Variants in PTPRD observed in about 807,000 individuals in gnomAD.
PTPRD encodes the protein protein tyrosine phosphatase receptor type D.
PTPRD carries 34 observed loss-of-function variants against 214.5 expected under a neutral mutation model. That is an observed-to-expected ratio of 0.16 (90% confidence interval 0.12 to 0.21). PTPRD has a LOEUF of 0.21. PTPRD is among the 10% of genes least tolerant of loss of function. PTPRD has a pLI of 1.00. For missense variants in PTPRD, 2,545 were observed against 2,398.7 expected (o/e 1.06, Z -1.27); for synonymous variants, 1,128 against 845.7 (o/e 1.33, Z -5.79).
intron 4 of PTPRD, among the ~76,000 whole-genome samples, chr9:9,987,334 G>T (rs905028598): frequency 6.6e-6 from 1 of 152,132 alleles, no homozygotes; most frequent in African/African-American, 2.4e-5. Context: ...AGACATGCCG[G>T]AGACTGGGCA....
chr9:8,967,728 C>T (rs1158550611), intron 11 of PTPRD, among the ~76,000 whole-genome samples: 1 of 152,086 alleles, frequency 6.6e-6, no homozygotes, highest in Non-Finnish European at 1.5e-5. Flanking sequence ...ATAACAGCAA[C>T]ATTTATACAA....
intron 2 of PTPRD, among the ~76,000 whole-genome samples, chr9:10,458,938 T>C (rs1419819819): frequency 6.6e-6 from 1 of 152,198 alleles, no homozygotes; most frequent in Non-Finnish European, 1.5e-5. Context: ...CTGGGGTATA[T>C]GTGCAGAACA....
intron 9 of PTPRD, among the ~76,000 whole-genome samples, chr9:9,233,176 T>C (rs1021384860): frequency 1.3e-5 from 2 of 152,092 alleles, no homozygotes; most frequent in Non-Finnish European, 2.9e-5. Flanking sequence ...TCCACAAAGC[T>C]GGCGAGGCCT....
intron 2 of PTPRD, among the ~76,000 whole-genome samples, chr9:10,460,523 A>G (rs559387016): frequency 1.2e-3 from 184 of 152,308 alleles, no homozygotes; most frequent in Middle Eastern, 3.4e-3. Flanking sequence ...TTGCATACAG[A>G]TACACAGACC....
At chr9:10,115,097 G>T (rs188489469) in intron 3 of PTPRD, among the ~76,000 whole-genome samples, 1 of 151,756 alleles carries the variant, frequency 6.6e-6, no homozygotes, top group Non-Finnish European at 1.5e-5. Context: ...CAAGGACAAG[G>T]TTTAGGTCAA....
intron 11 of PTPRD, among the ~76,000 whole-genome samples, chr9:9,017,626 T>G (rs2154366983): frequency 6.6e-6 from 1 of 152,296 alleles, no homozygotes; most frequent in Non-Finnish European, 1.5e-5. Context: ...GTAAGGAAAC[T>G]TGAAATAAAT....
At chr9:9,919,988 G>GT (rs1016155546) in intron 5 of PTPRD, among the ~76,000 whole-genome samples, 2 of 151,984 alleles carry the variant, frequency 1.3e-5, no homozygotes, top group African/African-American at 4.8e-5. Flanking sequence ...ACACCTTGAA[G>GT]TTTTTTTTCA....
chr9:8,876,972 G>A (rs1566781732), intron 11 of PTPRD, among the ~76,000 whole-genome samples: 1 of 151,534 alleles, frequency 6.6e-6, no homozygotes. Flanking sequence ...CTGTCCCCAG[G>A]CTGGACTGCA....
At chr9:8,928,119 T>C (rs556927076) in intron 11 of PTPRD, among the ~76,000 whole-genome samples, 4 of 152,188 alleles carry the variant, frequency 2.6e-5, no homozygotes, top group African/African-American at 7.2e-5. Flanking sequence ...GTCAGATGGA[T>C]AGATTGCAAA....
chr9:10,340,513 A>AC (rs2096919196), intron 3 of PTPRD, among the ~76,000 whole-genome samples: 1 of 151,884 alleles, frequency 6.6e-6, no homozygotes, highest in African/African-American at 2.4e-5. Flanking sequence ...CCAAAGGTGA[A>AC]CATCTTCAAA....
chr9:10,214,387 C>T (rs2099531152), intron 3 of PTPRD, among the ~76,000 whole-genome samples: 2 of 151,558 alleles, frequency 1.3e-5, no homozygotes, highest in South Asian at 2.1e-4. Context: ...AGTGATTCTC[C>T]TGCCTCTGCC....
At chr9:9,372,612 C>T (rs1255830822) in intron 9 of PTPRD, among the ~76,000 whole-genome samples, 2 of 152,084 alleles carry the variant, frequency 1.3e-5, no homozygotes, top group East Asian at 1.9e-4. Flanking sequence ...AGCCCATTTA[C>T]GTTTAAGGTT....
intron 14 of PTPRD, among the ~76,000 whole-genome samples, chr9:8,547,380 C>T (rs1454671903): frequency 6.6e-6 from 1 of 151,968 alleles, no homozygotes; most frequent in East Asian, 1.9e-4. Flanking sequence ...CATAGTGGGC[C>T]AGGCATGGTC....
At chr9:9,863,374 A>G (rs527798072) in intron 5 of PTPRD, among the ~76,000 whole-genome samples, 6 of 152,306 alleles carry the variant, frequency 3.9e-5, no homozygotes, top group African/African-American at 1.4e-4. Flanking sequence ...CGACAGTCAT[A>G]TTTTTAAATG....
intron 11 of PTPRD, among the ~76,000 whole-genome samples, chr9:8,919,886 A>AGATGTACATGCATGTATCATG (rs2098814364): frequency 1.5e-5 from 2 of 135,334 alleles, no homozygotes; most frequent in African/African-American, 2.6e-5. Flanking sequence ...TATCATGCAT[A>AGATGTACATGCATGTATCATG]CATAGATGTA....
rs530032718 is a variant in PTPRD at position 9,495,048 on chromosome 9, G to A, written c.-237+79684C>T. Among the ~76,000 whole-genome samples the A allele has an allele frequency of 4.6e-5, 7 of 152,110 alleles. No individual in the cohort carries two copies. In the East Asian group the frequency reaches 1.2e-3, roughly 25 times the overall value. Reference sequence around the variant, plus strand: ...AAATGATTTTTGACAAGAGCACCAAGAGCATTCAATGGGGGAAACTATAGT... The same window carrying A: ...AAATGATTTTTGACAAGAGCACCAAAAGCATTCAATGGGGGAAACTATAGT... On this transcript the variant is annotated intron_variant, in intron 8 of 45. Coordinates refer to ENST00000381196, the MANE Select transcript of PTPRD (RefSeq NM_002839.4).
At chr9:8,404,728 C>A in intron 35 of PTPRD, 68 bp from the exon 36 acceptor site, 1 of 1,517,450 alleles carries the variant, frequency 6.6e-7, no homozygotes. Context: ...AGGCATTTAT[C>A]ACATGTAATA....
Position 8,749,998 on chromosome 9 carries a change from G to A in PTPRD, c.-103-16052C>T, listed in dbSNP as rs554691663. On this transcript the variant is annotated intron_variant, in intron 11 of 45. Coordinates refer to ENST00000381196, the MANE Select transcript of PTPRD (RefSeq NM_002839.4). ...GTCGCCTGTAGTCCCAGCTCCTCGG[G>A]AAGCTGAGGCAGGAGAATCGCTTGA... 7.9e-5 allele frequency among the ~76,000 whole-genome samples: 12 copies of A among 151,914 alleles called. No individual in the cohort carries two copies. In the South Asian group the frequency reaches 2.1e-3, roughly 26 times the overall value.
chr9:10,116,361 G>T (rs2098731354), intron 3 of PTPRD, among the ~76,000 whole-genome samples: 1 of 152,112 alleles, frequency 6.6e-6, no homozygotes, highest in Middle Eastern at 3.4e-3. Flanking sequence ...TCACTTAATT[G>T]ATTATGAATA....
Sources: allele counts gnomAD v4.1 joint callset (sites outside exome capture counted in the v4.1 genomes callset), GRCh38; gene constraint gnomAD v4.1.1; transcripts MANE v1.5; gene names NCBI Gene and HGNC (gene_info 2026-07-23, HGNC 2026-07-21).